The following LIPA variants were observed in gnomAD, a reference collection of about 807,000 sequenced individuals.
The protein encoded by LIPA is lysosomal acid lipase/cholesteryl ester hydrolase.
Under a neutral mutation model 40.6 loss-of-function variants are expected in LIPA, and 26 were observed. The observed-to-expected ratio is 0.64, with a 90% CI of 0.47 to 0.89. The LOEUF (loss-of-function observed/expected upper bound fraction) is 0.89. LIPA is among the 40% of genes least tolerant of loss of function. The pLI is 0.00. For missense variants in LIPA, 455 were observed against 479.6 expected (o/e 0.95, Z 0.48); for synonymous variants, 188 against 168.4 (o/e 1.12, Z -0.90).
In LIPA at chr10:89,226,891, A is replaced by G. The variant is rs779872404; in HGVS notation, c.538+4T>C. Reference sequence around the variant, plus strand: ...TCAACTTCTGATCTTATTTACATACATACCTATAGTGGTGCCTTGAGAATG... The same window carrying G: ...TCAACTTCTGATCTTATTTACATACGTACCTATAGTGGTGCCTTGAGAATG... On this transcript the variant is annotated splice_donor_region_variant and intron_variant, in intron 5 of 9. Transcript: ENST00000336233. The G allele has an allele frequency of 6.8e-7, 1 of 1,469,202 alleles. No individual in the cohort carries two copies. The highest frequency in any genetic ancestry group is 9.5e-7 in the Non-Finnish European group (1 of 1,048,662). The allele number at this position is 1,469,202 out of a possible 1,614,324, so 91.0% of individuals were successfully genotyped here.
At chr10:89,286,354 C>T (rs977949287) in intron 1 of LIPA, among the ~76,000 whole-genome samples, 6 of 152,014 alleles carry the variant, frequency 3.9e-5, no homozygotes, top group African/African-American at 9.7e-5. Context: ...CTAGCCAGGC[C>T]GAGCCAGTTC....
intron 2 of LIPA, chr10:89,392,481 G>A (rs867579914): frequency 1.9e-4 from 12 of 62,190 alleles, no homozygotes; most frequent in African/African-American, 6.0e-5. Flanking sequence ...ACCCCCCCCC[G>A]TCAGCAGGAA....
At chr10:89,362,703 C>G (rs1198507236) in intron 2 of LIPA, 1 of 686,266 alleles carries the variant, frequency 1.5e-6, no homozygotes, top group African/African-American at 1.8e-5. Context: ...AAATGCTTCC[C>G]GCTATAGAAT....
intron 1 of LIPA, among the ~76,000 whole-genome samples, chr10:89,315,927 T>TA (rs575136923): frequency 6.6e-6 from 1 of 152,190 alleles, no homozygotes; most frequent in Non-Finnish European, 1.5e-5. Flanking sequence ...TATTTTTTTT[T>TA]ATTATACTTT....
intron 1 of LIPA, among the ~76,000 whole-genome samples, chr10:89,251,408 A>T (rs1056180394): frequency 6.6e-6 from 1 of 152,224 alleles, no homozygotes; most frequent in Non-Finnish European, 1.5e-5. Flanking sequence ...GAGGAATCAG[A>T]CATCCCTGCT....
chr10:89,349,491 C>CA (rs1230939628), intron 2 of LIPA, among the ~76,000 whole-genome samples: 18 of 152,148 alleles, frequency 1.2e-4, no homozygotes, highest in Non-Finnish European at 2.5e-4. Context: ...ATCAAGCCCT[C>CA]AAAAGATATA....
At chr10:89,401,144 T>C (rs1306620648) in intron 2 of LIPA, among the ~76,000 whole-genome samples, 3 of 151,286 alleles carry the variant, frequency 2.0e-5, no homozygotes, top group Non-Finnish European at 2.9e-5. Flanking sequence ...TGAGACTGAG[T>C]TTCTCTCTGT....
chr10:89,368,210 G>A (rs1408282076), intron 2 of LIPA, among the ~76,000 whole-genome samples: 1 of 152,226 alleles, frequency 6.6e-6, no homozygotes. Context: ...AATGAAAATA[G>A]TGTGGTGAAC....
chr10:89,226,416 T>A (rs1842770898), intron 5 of LIPA, among the ~76,000 whole-genome samples: 1 of 152,250 alleles, frequency 6.6e-6, no homozygotes, highest in Non-Finnish European at 1.5e-5. Flanking sequence ...TTTTATTTTC[T>A]TTAATTTTGC....
chr10:89,269,536 A>G (rs1475646140), intron 1 of LIPA, among the ~76,000 whole-genome samples: 4 of 152,138 alleles, frequency 2.6e-5, no homozygotes, highest in African/African-American at 9.7e-5. Flanking sequence ...GACAAATAAA[A>G]CTTTGATGAC....
At chr10:89,366,817 A>G (rs1337840891) in intron 2 of LIPA, among the ~76,000 whole-genome samples, 1 of 152,230 alleles carries the variant, frequency 6.6e-6, no homozygotes, top group Non-Finnish European at 1.5e-5. Flanking sequence ...CAGCCATCCC[A>G]TTACTGGGTA....
At chr10:89,332,799 A>T (rs1291889585) in intron 1 of LIPA, among the ~76,000 whole-genome samples, 1 of 152,178 alleles carries the variant, frequency 6.6e-6, no homozygotes, top group Non-Finnish European at 1.5e-5. Context: ...TGATGTATAG[A>T]GTTAGGCAGC....
At chr10:89,290,300 T>C (rs1752556402) in intron 1 of LIPA, among the ~76,000 whole-genome samples, 1 of 152,156 alleles carries the variant, frequency 6.6e-6, no homozygotes, top group South Asian at 2.1e-4. Context: ...CCAATCATCC[T>C]ATACAACAAA....
At chr10:89,354,879 T>A (rs2133588710) in intron 2 of LIPA, among the ~76,000 whole-genome samples, 1 of 152,172 alleles carries the variant, frequency 6.6e-6, no homozygotes, top group East Asian at 1.9e-4. Flanking sequence ...GTTAGAAGGT[T>A]TTCAAAGTGT....
chr10:89,413,766 C>CA (rs376455922), intron 1 of LIPA, among the ~76,000 whole-genome samples: 25,158 of 82,374 alleles, frequency 0.31, 2,243 homozygotes, highest in South Asian at 0.39. Flanking sequence ...GACCCTGTCT[C>CA]AAAAAAAAAA....
intron 1 of LIPA, among the ~76,000 whole-genome samples, chr10:89,266,967 C>A (rs899588535): frequency 6.6e-6 from 1 of 152,188 alleles, no homozygotes; most frequent in Non-Finnish European, 1.5e-5. Context: ...CTAGTCTATC[C>A]AGGACAGAGA....
rs1844001042 is a variant in LIPA, at chr10:89,358,390, A to C, written c.61+54401T>G. Among the ~76,000 whole-genome samples, 3 of 152,172 alleles carry C rather than the reference A, an allele frequency of 2.0e-5. No individual in the cohort carries two copies. In the South Asian group the frequency reaches 6.2e-4, roughly 31 times the overall value. ...AAACAGTATGACGTTTCCCCCCAAA[A>C]CTGAAAATGGATTTATTATGTGATC... On this transcript the variant is annotated intron_variant, in intron 2 of 8. Transcript: ENST00000371837.
rs1476622208 is a variant in LIPA at position 89,214,368 on chromosome 10, C to T, written c.*460G>A. The T allele has an allele frequency of 2.5e-5, 4 of 159,072 alleles. No homozygotes were observed. The highest frequency in any genetic ancestry group is 1.8e-4 in the Admixed American group (3 of 16,262). The allele number at this position is 159,072 out of a possible 1,614,324, so 9.9% of individuals were successfully genotyped here. A position where few individuals can be genotyped will look rare whatever the true frequency, so the allele number is the denominator to read the frequency against. On this transcript the variant is annotated 3_prime_UTR_variant, in exon 10 of 10. Transcript: ENST00000336233. ...GTCATTTAGATCTCTAACTACAAGA[C>T]CGTTAGACTAGAGAGCTCTTTAAGG...
intron 1 of LIPA, among the ~76,000 whole-genome samples, chr10:89,262,669 G>A (rs537356889): frequency 3.5e-4 from 54 of 152,246 alleles, no homozygotes; most frequent in Admixed American, 2.0e-3. Context: ...CCAAAATTCC[G>A]GCCTCACCTC....
Sources: allele counts gnomAD v4.1 joint callset (sites outside exome capture counted in the v4.1 genomes callset), GRCh38; gene constraint gnomAD v4.1.1; transcripts MANE v1.5; gene names NCBI Gene and HGNC (gene_info 2026-07-23, HGNC 2026-07-21).